CTNND2: variants seen among roughly 807,000 people sequenced by gnomAD.
CTNND2 encodes the protein catenin delta-2.
CTNND2 carries 22 observed loss-of-function variants against 144.4 expected under a neutral mutation model. The ratio of observed to expected loss-of-function variants is 0.15; its 90% confidence interval spans 0.11 to 0.22. The LOEUF is 0.22. Ranked by LOEUF, CTNND2 falls within the 10% of genes least tolerant of loss-of-function variation. The probability of loss-of-function intolerance (pLI) is 1.00; values close to 1 mark genes in which losing one functional copy is unlikely to be tolerated. For synonymous variants in CTNND2, 751 were observed against 695.6 expected, an observed-to-expected ratio of 1.08 and a Z score of -1.25; for missense variants, 1,353 against 1,618.8, an observed-to-expected ratio of 0.84 and a Z score of 2.82.
intron 2 of CTNND2, among the ~76,000 whole-genome samples, chr5:11,565,821 T>C (rs1032283686): frequency 6.6e-6 from 1 of 152,222 alleles, no homozygotes; most frequent in African/African-American, 2.4e-5. Flanking sequence ...ACTGATGTTT[T>C]CTTTCCTCAT....
At chr5:11,830,260 T>A (rs1334705398) in intron 1 of CTNND2, among the ~76,000 whole-genome samples, 2 of 152,092 alleles carry the variant, frequency 1.3e-5, no homozygotes, top group Non-Finnish European at 2.9e-5. Context: ...TGGGAAGGCA[T>A]GATTAGTTTT....
chr5:11,625,614 C>T (rs938670792), intron 2 of CTNND2, among the ~76,000 whole-genome samples: 2 of 151,982 alleles, frequency 1.3e-5, no homozygotes, highest in African/African-American at 4.8e-5. Context: ...TACAGTATTG[C>T]AATTCATCAA....
intron 2 of CTNND2, among the ~76,000 whole-genome samples, chr5:11,675,569 T>C (rs1394140722): frequency 6.6e-6 from 1 of 152,106 alleles, no homozygotes; most frequent in Non-Finnish European, 1.5e-5. Context: ...ATTTTTGCCT[T>C]TTGCCTCTGA....
At chr5:11,670,637 C>G (rs779312281) in intron 2 of CTNND2, among the ~76,000 whole-genome samples, 1 of 151,776 alleles carries the variant, frequency 6.6e-6, no homozygotes, top group Non-Finnish European at 1.5e-5. Context: ...TATTTTGAAC[C>G]TTCCATCCCT....
chr5:10,994,379 G>A (rs1234823359), intron 18 of CTNND2, among the ~76,000 whole-genome samples: 1 of 31,396 alleles, frequency 3.2e-5, no homozygotes, highest in Non-Finnish European at 6.7e-5. Flanking sequence ...GGAAGGGGCC[G>A]GGGAAAGAGG....
chr5:11,760,020 G>C (rs1199396940), intron 1 of CTNND2, among the ~76,000 whole-genome samples: 1 of 140,272 alleles, frequency 7.1e-6, no homozygotes, highest in African/African-American at 2.7e-5. Flanking sequence ...ACTTTGCCAG[G>C]TCCAGTACTT....
At chr5:11,483,914 T>C (rs1768533487) in intron 3 of CTNND2, among the ~76,000 whole-genome samples, 1 of 152,142 alleles carries the variant, frequency 6.6e-6, no homozygotes, top group African/African-American at 2.4e-5. Context: ...GATGGAAAAC[T>C]GGATTGGGAT....
At chr5:11,226,430 C>A (rs1456556764) in intron 10 of CTNND2, among the ~76,000 whole-genome samples, 2 of 152,118 alleles carry the variant, frequency 1.3e-5, no homozygotes, top group East Asian at 1.9e-4. Context: ...TGTATTAGTC[C>A]TTTTTCACAT....
chr5:11,214,675 C>T (rs1738987582), intron 10 of CTNND2, among the ~76,000 whole-genome samples: 1 of 152,178 alleles, frequency 6.6e-6, no homozygotes, highest in Non-Finnish European at 1.5e-5. Flanking sequence ...GGCCTTCAGT[C>T]CTGCCTGACC....
intron 3 of CTNND2, among the ~76,000 whole-genome samples, chr5:11,552,918 C>T (rs1160312988): frequency 6.6e-6 from 1 of 152,120 alleles, no homozygotes; most frequent in African/African-American, 2.4e-5. Context: ...TTGGTAAAAG[C>T]TTTTGGACTC....
intron 3 of CTNND2, among the ~76,000 whole-genome samples, chr5:11,527,950 TA>T (rs1303090380): frequency 6.6e-6 from 1 of 152,166 alleles, no homozygotes; most frequent in Non-Finnish European, 1.5e-5. Context: ...CAAACAGATT[TA>T]AACAGATTTC....
chr5:11,716,388 G>A (rs11954864), intron 2 of CTNND2, among the ~76,000 whole-genome samples: 17,850 of 152,062 alleles, frequency 0.12, 1,403 homozygotes, highest in African/African-American at 0.21. Context: ...TATCAAAAAG[G>A]TCAAATTCAA....
At chr5:11,840,720 T>G (rs1244976844) in intron 1 of CTNND2, among the ~76,000 whole-genome samples, 2 of 152,146 alleles carry the variant, frequency 1.3e-5, no homozygotes, top group Non-Finnish European at 2.9e-5. Context: ...TTCTGGCACT[T>G]ATTTTCAATG....
chr5:11,135,954 C>G (rs1450231311), intron 12 of CTNND2, among the ~76,000 whole-genome samples: 2 of 152,230 alleles, frequency 1.3e-5, no homozygotes, highest in Non-Finnish European at 2.9e-5. Flanking sequence ...ATCTGAATAT[C>G]TGTGTCCCTC....
At chr5:11,829,341 A>C (rs1396525100) in intron 1 of CTNND2, among the ~76,000 whole-genome samples, 2 of 152,216 alleles carry the variant, frequency 1.3e-5, no homozygotes, top group African/African-American at 4.8e-5. Context: ...AGGTCTTCAC[A>C]GCAACCAGCC....
At chr5:11,616,909 G>A (rs1268904612) in intron 2 of CTNND2, among the ~76,000 whole-genome samples, 2 of 152,074 alleles carry the variant, frequency 1.3e-5, no homozygotes, top group Middle Eastern at 3.2e-3. Context: ...GCCCAGCCCT[G>A]TTTGCTGTTT....
chr5:11,193,419 T>C (rs1014050386), intron 11 of CTNND2, among the ~76,000 whole-genome samples: 14 of 152,340 alleles, frequency 9.2e-5, no homozygotes, highest in Middle Eastern at 3.4e-3. Context: ...ATTATTGAAA[T>C]GTCTGTATTC....
At chr5:11,336,263 G>T (rs1214305786) in intron 9 of CTNND2, among the ~76,000 whole-genome samples, 2 of 152,126 alleles carry the variant, frequency 1.3e-5, no homozygotes, top group Non-Finnish European at 2.9e-5. Context: ...CAATAACCTG[G>T]ACGCTCTCCA....
At chr5:10,983,548 T>C (rs1364762370) in intron 20 of CTNND2, among the ~76,000 whole-genome samples, 1 of 152,242 alleles carries the variant, frequency 6.6e-6, no homozygotes, top group African/African-American at 2.4e-5. Flanking sequence ...GCTTAGAAAG[T>C]GAGAGCCGAA....
Sources: allele counts gnomAD v4.1 joint callset (sites outside exome capture counted in the v4.1 genomes callset), GRCh38; gene constraint gnomAD v4.1.1; transcripts MANE v1.5; gene names NCBI Gene and HGNC (gene_info 2026-07-23, HGNC 2026-07-21).